PECR: variants seen among roughly 807,000 people sequenced by gnomAD.
PECR encodes the protein peroxisomal trans-2-enoyl-CoA reductase, also known as 2,4-dienoyl-CoA reductase-related protein.
In PECR, 30 loss-of-function variants were observed where a neutral mutation model predicts 35.3. The observed-to-expected ratio is 0.85, with a 90% CI of 0.64 to 1.15. The LOEUF is 1.15. PECR is among the 50% of genes most tolerant of loss of function. The pLI is 0.00. For synonymous variants in PECR, 148 were observed against 138.9 expected (o/e 1.07, Z -0.46); for missense variants, 392 against 370.8 (o/e 1.06, Z -0.47).
intron 7 of PECR, among the ~76,000 whole-genome samples, chr2:216,031,683 GAA>G (rs780396915): frequency 0.043 from 2,306 of 53,726 alleles, 28 homozygotes; most frequent in Admixed American, 0.07. Flanking sequence ...AAGAAAGAAA[GAA>G]AGAAAGAGAA....
intron 5 of PECR, among the ~76,000 whole-genome samples, chr2:216,050,641 G>A (rs764474698): frequency 8.5e-5 from 13 of 152,110 alleles, no homozygotes; most frequent in Non-Finnish European, 1.5e-4. Flanking sequence ...AGTGGCTCAC[G>A]CCTGTAATCC....
chr2:216,031,144 C>T (rs940542651), intron 7 of PECR, among the ~76,000 whole-genome samples: 10 of 152,128 alleles, frequency 6.6e-5, no homozygotes, highest in African/African-American at 2.4e-4. Context: ...TGGTGGTTCA[C>T]GCCTATAATC....
In PECR at chr2:216,047,261, GA is replaced by G. The variant is rs11396724; in HGVS notation, c.714+2001del. 5.8e-4 allele frequency among the ~76,000 whole-genome samples: 82 copies of G among 142,376 alleles called. 1 individual carries two copies. The highest frequency in any genetic ancestry group is 3.7e-3 in the Middle Eastern group (1 of 272). 93.4% of individuals were successfully genotyped at this position (142,376 alleles called of 152,430 possible). A position where few individuals can be genotyped will look rare whatever the true frequency, so the allele number is the denominator to read the frequency against. On this transcript the variant is annotated intron_variant, in intron 6 of 7. Transcript: ENST00000265322. ...CAAGAAGAGTGTAACTTCGTCTCAG[GA>G]AAAAAAAAAAAAAAGTCAACAAATA...
chr2:216,078,536 C>T (rs1359673910), intron 1 of PECR, among the ~76,000 whole-genome samples: 4 of 148,332 alleles, frequency 2.7e-5, no homozygotes, highest in Non-Finnish European at 3.0e-5. Context: ...TGCAGTGAGC[C>T]GAGATTGCGC....
chr2:216,049,763 C>T (rs72952619), intron 5 of PECR, among the ~76,000 whole-genome samples: 5,445 of 152,266 alleles, frequency 0.036, 128 homozygotes, highest in Middle Eastern at 0.051. Context: ...GCAATGGCTA[C>T]GTGAGACTTA....
At position 216,039,360 on chromosome 2, in the gene PECR, T is replaced by A. The variant is rs1694849968; in HGVS notation, c.827A>T (p.Asp276Val). Residue 276 changes from aspartate to valine, a missense_variant and splice_region_variant, in exon 8 of 8, where the codon GAT (aspartate) becomes GTT (valine). Transcript: ENST00000265322. ...TGCTCCCTTGGGCCAGTTGTCATGA[T>A]CTGTTAAAGAAGTGGAAAGCCTCCT... The part of the protein sequence containing the change: ...SLYTHSYEVP[D>V]HDNWPKGAGD... 2 of 1,584,944 alleles carry A rather than the reference T, an allele frequency of 1.3e-6. No individual in the cohort carries two copies. Among genetic ancestry groups the A allele is most frequent in the Non-Finnish European group, 8.7e-7 (1 of 1,153,362 alleles).
intron 6 of PECR, among the ~76,000 whole-genome samples, chr2:216,048,974 G>A (rs1343800629): frequency 2.0e-5 from 3 of 151,640 alleles, no homozygotes; most frequent in Non-Finnish European, 4.4e-5. Flanking sequence ...TTAGGGTCCT[G>A]TGTACCAACA....
chr2:216,044,266 G>A (rs888912579), intron 6 of PECR, among the ~76,000 whole-genome samples: 1 of 152,136 alleles, frequency 6.6e-6, no homozygotes, highest in Non-Finnish European at 1.5e-5. Context: ...AGCCTTAGAC[G>A]ATGTCAAGCA....
intron 4 of PECR, among the ~76,000 whole-genome samples, chr2:216,057,401 T>C (rs1695251143): frequency 6.6e-6 from 1 of 152,122 alleles, no homozygotes; most frequent in Non-Finnish European, 1.5e-5. Context: ...TAAGAAAATA[T>C]CTCCAGGATA....
At chr2:216,075,408 T>C (rs573989261) in intron 1 of PECR, among the ~76,000 whole-genome samples, 3 of 152,292 alleles carry the variant, frequency 2.0e-5, no homozygotes, top group Admixed American at 6.5e-5. Flanking sequence ...ATTAAATTTG[T>C]AGAAAATCAC....
intron 4 of PECR, among the ~76,000 whole-genome samples, chr2:216,053,432 A>T (rs941015460): frequency 6.6e-6 from 1 of 150,818 alleles, no homozygotes; most frequent in African/African-American, 2.4e-5. Context: ...TTTAGTAGAG[A>T]CGGGGGTTTC....
At chr2:216,029,798 G>C (rs753963764) in intron 7 of PECR, among the ~76,000 whole-genome samples, 1 of 152,230 alleles carries the variant, frequency 6.6e-6, no homozygotes, top group Non-Finnish European at 1.5e-5. Flanking sequence ...ATTTGTTTTT[G>C]ACAGGGATTC....
chr2:216,051,281 CAAAAAAAAA>C (rs147574036), intron 5 of PECR, among the ~76,000 whole-genome samples, 159 bp downstream of exon 5: 4 of 93,172 alleles, frequency 4.3e-5, no homozygotes, highest in Admixed American at 2.5e-4. Flanking sequence ...GACTCCATCT[CAAAAAAAAA>C]AAAAAAAAAA....
intron 1 of PECR, among the ~76,000 whole-genome samples, chr2:216,068,486 A>T (rs1695515916): frequency 6.6e-6 from 1 of 152,206 alleles, no homozygotes. Context: ...AAATGATGGC[A>T]AAATAAAGAC....
chr2:216,078,801 AAT>A (rs1276091235), intron 1 of PECR, among the ~76,000 whole-genome samples: 1 of 152,168 alleles, frequency 6.6e-6, no homozygotes, highest in Non-Finnish European at 1.5e-5. Context: ...TGGTAAGAAA[AAT>A]ATAGTCTATC....
At chr2:216,035,506 G>A (rs925651968), downstream of PECR, among the ~76,000 whole-genome samples, 6 of 135,710 alleles carry the variant, frequency 4.4e-5, no homozygotes, top group South Asian at 4.7e-4. Flanking sequence ...TTTTTTTTTC[G>A]AGACAGGGTC....
chr2:216,051,056 C>T (rs527810815), intron 5 of PECR, among the ~76,000 whole-genome samples: 13 of 151,870 alleles, frequency 8.6e-5, no homozygotes, highest in African/African-American at 2.7e-4. Context: ...GAGGCCATGG[C>T]GAACAGATCT....
At chr2:216,055,669 A>T (rs1193784220) in intron 4 of PECR, among the ~76,000 whole-genome samples, 2 of 152,100 alleles carry the variant, frequency 1.3e-5, no homozygotes, top group African/African-American at 4.8e-5. Context: ...GAAATGCCTT[A>T]GTTGTGATAA....
intron 4 of PECR, among the ~76,000 whole-genome samples, chr2:216,055,051 G>A (rs1441952603): frequency 6.6e-6 from 1 of 151,092 alleles, no homozygotes; most frequent in Non-Finnish European, 1.5e-5. Flanking sequence ...GGCGGAGGCT[G>A]CAGTGAGCAG....
Sources: allele counts gnomAD v4.1 joint callset (sites outside exome capture counted in the v4.1 genomes callset), GRCh38; gene constraint gnomAD v4.1.1; transcripts MANE v1.5; gene names NCBI Gene and HGNC (gene_info 2026-07-23, HGNC 2026-07-21).